Variants in ZNG1A observed in about 807,000 individuals in gnomAD.
The protein encoded by ZNG1A is zinc-regulated GTPase metalloprotein activator 1A.
chr9:162,538 T>A, the ZNG1A span: 9 of 1,546,226 alleles, frequency 5.8e-6, no homozygotes, highest in African/African-American at 1.4e-5. Flanking sequence ...CAACCATACT[T>A]CAAAATGAAA....
At chr9:133,940 G>C in the ZNG1A span, among the ~76,000 whole-genome samples, 5 of 138,824 alleles carry the variant, frequency 3.6e-5, no homozygotes, top group Non-Finnish European at 6.2e-5. Flanking sequence ...GACACTGGCC[G>C]CCCCAAACGC....
chr9:176,685 TA>T, the ZNG1A span, among the ~76,000 whole-genome samples: 1 of 152,000 alleles, frequency 6.6e-6, no homozygotes, highest in African/African-American at 2.4e-5. Flanking sequence ...GAGAGAGACT[TA>T]GGGCAATGAG....
chr9:168,739 T>C, the ZNG1A span, among the ~76,000 whole-genome samples: 4 of 147,560 alleles, frequency 2.7e-5, no homozygotes, highest in African/African-American at 1.1e-4. Context: ...ATCCTAAAAA[T>C]TCTAGGGCCA....
chr9:178,879 C>G, the ZNG1A span: 2 of 1,152,246 alleles, frequency 1.7e-6, 1 homozygote, highest in Non-Finnish European at 2.5e-6. Flanking sequence ...TCCTCCTCCT[C>G]GCTTTGCGTC....
At chr9:145,769 T>C in the ZNG1A span, among the ~76,000 whole-genome samples, 1 of 151,846 alleles carries the variant, frequency 6.6e-6, no homozygotes, top group African/African-American at 2.4e-5. Flanking sequence ...AAGAGAGTTA[T>C]TTGTGTGAAA....
the ZNG1A span, among the ~76,000 whole-genome samples, chr9:171,353 G>C: frequency 1.3e-5 from 2 of 152,068 alleles, no homozygotes; most frequent in Non-Finnish European, 2.9e-5. Context: ...AAAAATAATG[G>C]TATGGGTCAG....
At chr9:150,610 T>C in the ZNG1A span, 1 of 984,074 alleles carries the variant, frequency 1.0e-6, no homozygotes, top group Non-Finnish European at 1.2e-6. Flanking sequence ...AGAAAGTCCC[T>C]AGATTCTCAG....
At chr9:174,367 T>A in the ZNG1A span, among the ~76,000 whole-genome samples, 1 of 152,066 alleles carries the variant, frequency 6.6e-6, no homozygotes, top group African/African-American at 2.4e-5. Context: ...CACTTACATA[T>A]TTTTTATATT....
At chr9:161,584 A>G in the ZNG1A span, 2 of 1,286,456 alleles carry the variant, frequency 1.6e-6, no homozygotes, top group South Asian at 1.2e-5. Context: ...GGCCCTATCC[A>G]TATGCTCAGA....
At chr9:121,703 T>C in the ZNG1A span, 3 of 1,182,332 alleles carry the variant, frequency 2.5e-6, no homozygotes, top group Non-Finnish European at 3.6e-6. Flanking sequence ...AATTGAGTGA[T>C]TCCATCTTTA....
the ZNG1A span, chr9:172,122 A>C: frequency 1.2e-6 from 2 of 1,611,204 alleles, no homozygotes; most frequent in Non-Finnish European, 1.7e-6. Context: ...TATGTAATCA[A>C]ATTTCCCCTT....
chr9:126,956 G>A, the ZNG1A span, among the ~76,000 whole-genome samples: 1 of 152,118 alleles, frequency 6.6e-6, no homozygotes, highest in Non-Finnish European at 1.5e-5. Context: ...TGATCATTCA[G>A]GAGCAGGTTA....
At chr9:151,019 GA>G in the ZNG1A span, 2 of 985,114 alleles carry the variant, frequency 2.0e-6, no homozygotes, top group Non-Finnish European at 2.4e-6. Context: ...CTAACAGGAA[GA>G]GGACAGATAC....
the ZNG1A span, among the ~76,000 whole-genome samples, chr9:142,035 C>A: frequency 1.4e-5 from 2 of 143,160 alleles, no homozygotes; most frequent in Non-Finnish European, 3.0e-5. Flanking sequence ...CACCCAGATT[C>A]ATAAACCAAG....
the ZNG1A span, among the ~76,000 whole-genome samples, chr9:142,050 G>T: frequency 3.5e-3 from 502 of 142,684 alleles, 6 homozygotes; most frequent in African/African-American, 0.013. Context: ...ACCAAGTCCT[G>T]AGTGACCTAC....
chr9:146,042 G>A, the ZNG1A span: 4 of 1,327,328 alleles, frequency 3.0e-6, no homozygotes, highest in Non-Finnish European at 4.1e-6. Context: ...CATCATTCCT[G>A]TTAACTATGG....
the ZNG1A span, chr9:178,965 A>G: frequency 9.1e-7 from 1 of 1,101,950 alleles, no homozygotes; most frequent in African/African-American, 1.5e-5. Flanking sequence ...AACAGCCGGT[A>G]ACATTCCGGC....
chr9:174,634 C>A, the ZNG1A span, among the ~76,000 whole-genome samples: 111,763 of 147,136 alleles, frequency 0.76, 42,618 homozygotes, highest in South Asian at 0.82. Context: ...TTTTCTCTTT[C>A]GTTTATTAAA....
the ZNG1A span, among the ~76,000 whole-genome samples, chr9:169,254 G>A: frequency 2.0e-5 from 3 of 151,206 alleles, no homozygotes; most frequent in African/African-American, 7.3e-5. Flanking sequence ...TTCAATGGAG[G>A]AAATAACTGC....
Sources: gnomAD v4.1 joint callset for allele counts (sites outside exome capture counted in the v4.1 genomes callset) on GRCh38, gnomAD v4.1.1 for gene constraint, MANE v1.5 for transcripts, NCBI Gene and HGNC (gene_info 2026-07-23, HGNC 2026-07-21) for gene names.